The following NR5A1 variants were observed in gnomAD, a reference collection of about 807,000 sequenced individuals.
NR5A1 encodes the protein steroidogenic factor 1.
Under a neutral mutation model 42.7 loss-of-function variants are expected in NR5A1, and 6 were observed. The ratio of observed to expected loss-of-function variants is 0.14; its 90% CI spans 0.08 to 0.28. NR5A1 has a LOEUF of 0.28. Ranked by LOEUF, NR5A1 falls within the 10% of genes least tolerant of loss-of-function variation. The probability of loss-of-function intolerance (pLI) is 1.00; values close to 1 mark genes in which losing one functional copy is unlikely to be tolerated. For synonymous variants in NR5A1, 274 were observed against 277.5 expected, an observed-to-expected ratio of 0.99 and a Z score of 0.12; for missense variants, 442 against 626.4, an observed-to-expected ratio of 0.71 and a Z score of 3.14.
chr9:124,481,721 A>C lies in NR5A1; in HGVS notation c.*1037T>G, dbSNP rs1364314119. 6.6e-6 allele frequency: 1 copy of C among 152,138 alleles called. No individual in the cohort carries two copies. The highest frequency in any genetic ancestry group is 1.5e-5 in the Non-Finnish European group (1 of 68,040). The allele number at this position is 152,138 out of a possible 1,614,324, so 9.4% of individuals were successfully genotyped here. A position where few individuals can be genotyped will look rare whatever the true frequency, so the allele number is the denominator to read the frequency against. On this transcript the variant is annotated 3_prime_UTR_variant, in exon 7 of 7. Transcript: ENST00000373588. ...CACCCACAGAGACCTGAAGCCCCCA[A>C]CAGGGCATCCTGCTGTTCACCTAGT...
intron 4 of NR5A1, among the ~76,000 whole-genome samples, chr9:124,495,596 T>TGGTG (rs1481664718): frequency 6.6e-6 from 1 of 151,026 alleles, no homozygotes; most frequent in Non-Finnish European, 1.5e-5. Flanking sequence ...GACACCCAGG[T>TGGTG]GGTGGTGCAG....
At position 124,481,717 on chromosome 9, in the gene NR5A1, C is replaced by T. The variant is rs1006167763; in HGVS notation, c.*1041G>A. 6.6e-6 allele frequency: 1 copy of T among 152,208 alleles called. No homozygotes were observed. Among genetic ancestry groups the T allele is most frequent in the African/African-American group, 2.4e-5 (1 of 41,424 alleles). 9.4% of individuals were successfully genotyped at this position (152,208 alleles called of 1,614,324 possible). A position where few individuals can be genotyped will look rare whatever the true frequency, so the allele number is the denominator to read the frequency against. On this transcript the variant is annotated 3_prime_UTR_variant, in exon 7 of 7. Transcript: ENST00000373588. ...TTCCCACCCACAGAGACCTGAAGCCCCCAACAGGGCATCCTGCTGTTCACC... is the reference window on the plus strand; with the variant it reads ...TTCCCACCCACAGAGACCTGAAGCCTCCAACAGGGCATCCTGCTGTTCACC...
chr9:124,504,640 G>T (rs1381853398), intron 1 of NR5A1, among the ~76,000 whole-genome samples: 2 of 151,416 alleles, frequency 1.3e-5, no homozygotes, highest in Non-Finnish European at 3.0e-5. Context: ...CCCGGGACGC[G>T]AGAGGGGGCG....
At position 124,503,260 on chromosome 9, in the gene NR5A1, T is replaced by A; in HGVS notation, c.102+34A>T. On this transcript the variant is annotated intron_variant, in intron 2 of 6. Coordinates refer to ENST00000373588, the MANE Select transcript of NR5A1 (RefSeq NM_004959.5). This position sits in a 1 kb window ranked among gnomAD's most constrained non-coding sequence, Gnocchi z 9.6. ...AGTCAGCGAGGCCCCGCAGCGCCCG[T>A]CTGCCGCACCCCTGCCGCGCGCTCG... The A allele has an allele frequency of 1.9e-6, 3 of 1,605,770 alleles. No individual in the cohort carries two copies. The highest frequency in any genetic ancestry group is 2.2e-5 in the South Asian group (2 of 89,812).
chr9:124,483,191 C>G (rs1337980123), intron 6 of NR5A1, among the ~76,000 whole-genome samples, 186 bp from the exon 7 acceptor site: 1 of 152,198 alleles, frequency 6.6e-6, no homozygotes, highest in Non-Finnish European at 1.5e-5. Flanking sequence ...TTGCTGTCAC[C>G]CTGGTTGACA....
At chr9:124,504,876 C>T (rs1004825084) in intron 1 of NR5A1, among the ~76,000 whole-genome samples, 7 of 115,798 alleles carry the variant, frequency 6.0e-5, no homozygotes, top group African/African-American at 1.8e-4. Context: ...CCCCTCCCGC[C>T]TCCCCGCCCC....
At chr9:124,486,652 C>T (rs1832214697) in intron 6 of NR5A1, among the ~76,000 whole-genome samples, 1 of 152,218 alleles carries the variant, frequency 6.6e-6, no homozygotes, top group Non-Finnish European at 1.5e-5. Flanking sequence ...ACTTGCCTTC[C>T]TCCTCATCTG....
chr9:124,491,063 C>T lies in NR5A1; in HGVS notation c.1138+18G>A. ...CCTCTGGCTGTCTCCACCTCTCTGT[C>T]ACTGGAGCTGCACTCACCCAGGCTG... On this transcript the variant is annotated intron_variant, in intron 6 of 6. Transcript: ENST00000373588. The T allele has an allele frequency of 8.3e-7, 1 of 1,206,208 alleles. No individual in the cohort carries two copies. The highest frequency in any genetic ancestry group is 1.1e-6 in the Non-Finnish European group (1 of 899,940). The allele number at this position is 1,206,208 out of a possible 1,614,324, so 74.7% of individuals were successfully genotyped here.
intron 6 of NR5A1, among the ~76,000 whole-genome samples, chr9:124,489,526 A>T (rs1257364091): frequency 2.0e-5 from 3 of 152,238 alleles, no homozygotes; most frequent in Non-Finnish European, 1.5e-5. Context: ...ACGTTCACGT[A>T]ATTCCTGCAG....
rs1277043707 is a variant in NR5A1, at chr9:124,501,658, G to A, written c.245-943C>T. On this transcript the variant is annotated intron_variant, in intron 3 of 6. Coordinates refer to ENST00000373588, the MANE Select transcript of NR5A1 (RefSeq NM_004959.5). This position sits in a 1 kb window ranked among gnomAD's most constrained non-coding sequence, Gnocchi z 4.1. The stretch of plus-strand genomic sequence containing the variant: ...GCTGTGCTGCTCGCAGGCTGCACGG[G>A]AGTTTCTACTGCCCACAACAGCCAG... Among the ~76,000 whole-genome samples the A allele has an allele frequency of 6.6e-6, 1 of 152,188 alleles. No homozygotes were observed. Among genetic ancestry groups the A allele is most frequent in the Non-Finnish European group, 1.5e-5 (1 of 68,034 alleles).
At chr9:124,491,032 C>CCCCCCCCCCCCGGGGGGG in intron 6 of NR5A1, 49 bp downstream of exon 6, 1 of 1,258,250 alleles carries the variant, frequency 7.9e-7, no homozygotes, top group Non-Finnish European at 1.1e-6. Context: ...CCCTCCCACC[C>CCCCCCCCCCCCGGGGGGG]ACCCGCCTCT....
intron 4 of NR5A1, among the ~76,000 whole-genome samples, chr9:124,494,127 G>A (rs1342738998): frequency 2.0e-5 from 3 of 152,204 alleles, no homozygotes; most frequent in Admixed American, 6.5e-5. Flanking sequence ...CTCTCAGCCC[G>A]TGCCACTCAC....
At position 124,502,893 on chromosome 9, in the gene NR5A1, G is replaced by C. The variant is rs1251766482; in HGVS notation, c.244+186C>G. Among the ~76,000 whole-genome samples, 2 of 152,302 alleles carry C rather than the reference G, an allele frequency of 1.3e-5. 1 individual carries two copies. The highest frequency in any genetic ancestry group is 4.1e-4 in the South Asian group (2 of 4,832). On this transcript the variant is annotated intron_variant, in intron 3 of 6. Transcript: ENST00000373588. ...CCCAACCCAGGCTGGCCTTGCCAGC[G>C]TCCCTTCCCCGCCCGAGGCCCACCC...
chr9:124,483,303 C>T (rs750418981), intron 6 of NR5A1, among the ~76,000 whole-genome samples: 29 of 152,260 alleles, frequency 1.9e-4, no homozygotes, highest in Non-Finnish European at 4.0e-4. Context: ...ACCATCATCA[C>T]TGCCATCATC....
At chr9:124,495,103 C>T (rs1036601848) in intron 4 of NR5A1, among the ~76,000 whole-genome samples, 1 of 152,170 alleles carries the variant, frequency 6.6e-6, no homozygotes, top group African/African-American at 2.4e-5. Context: ...GTGTCCATTC[C>T]CTCCATCCAC....
rs142867182 is a variant in NR5A1, at chr9:124,496,263, T to C, written c.871-3114A>G. On this transcript the variant is annotated intron_variant, in intron 4 of 6. Transcript: ENST00000373588. This position sits in a 1 kb window ranked among gnomAD's most constrained non-coding sequence, Gnocchi z 5.0. ...GGCCATAGCTGCCAGCCCCCCTGCA[T>C]GAGAAAGCAGGTGGCTAAGAGGTTC... is the stretch of plus-strand genomic sequence containing the variant. Among the ~76,000 whole-genome samples, 772 of 152,226 alleles carry C rather than the reference T, an allele frequency of 5.1e-3. 4 individuals carry two copies. Among genetic ancestry groups the C allele is most frequent in the Non-Finnish European group, 9.5e-3 (644 of 68,002 alleles).
intron 4 of NR5A1, among the ~76,000 whole-genome samples, chr9:124,493,460 G>C (rs1051500072): frequency 7.2e-5 from 11 of 152,212 alleles, no homozygotes; most frequent in Admixed American, 2.6e-4. Context: ...AGTACTGAGC[G>C]GACAGTCCAG....
rs531555603 is a variant in NR5A1 at position 124,492,161 on chromosome 9, C to T, written c.990+869G>A. ...CACCCCACAGCACCCACCGACCCCACGGCCCTTCCTGTGTCCCCACCTGAG... is the reference window on the plus strand; with the variant it reads ...CACCCCACAGCACCCACCGACCCCATGGCCCTTCCTGTGTCCCCACCTGAG... On this transcript the variant is annotated intron_variant, in intron 5 of 6. Transcript: ENST00000373588. 3.3e-5 allele frequency among the ~76,000 whole-genome samples: 5 copies of T among 152,236 alleles called. No individual in the cohort carries two copies. The South Asian group carries it at 8.3e-4, about 25-fold the overall frequency.
At chr9:124,483,564 A>G (rs958419482) in intron 6 of NR5A1, among the ~76,000 whole-genome samples, 2 of 152,132 alleles carry the variant, frequency 1.3e-5, no homozygotes, top group Non-Finnish European at 2.9e-5. Flanking sequence ...TGCCATCACA[A>G]TGGGAGCTGC....
Sources: allele counts gnomAD v4.1 joint callset (sites outside exome capture counted in the v4.1 genomes callset), GRCh38; gene constraint gnomAD v4.1.1; non-coding constraint Gnocchi (gnomAD v3.1); transcripts MANE v1.5; gene names NCBI Gene and HGNC (gene_info 2026-07-23, HGNC 2026-07-21).